Variants in NKAIN2 observed in about 807,000 individuals in gnomAD.
NKAIN2 encodes the protein sodium/potassium-transporting ATPase subunit beta-1-interacting protein 2.
In NKAIN2, 14 loss-of-function variants were observed where a neutral mutation model predicts 32.6. The ratio of observed to expected loss-of-function variants is 0.43; its 90% CI spans 0.28 to 0.67. The LOEUF is 0.67. Ranked by LOEUF, NKAIN2 falls within the 30% of genes least tolerant of loss-of-function variation. The pLI, the probability that NKAIN2 is intolerant of heterozygous loss-of-function variation, is 0.17. For missense variants in NKAIN2, 198 were observed against 258.3 expected, an observed-to-expected ratio of 0.77 and a Z score of 1.60; for synonymous variants, 80 against 87.2, an observed-to-expected ratio of 0.92 and a Z score of 0.46.
chr6:123,919,778 G>A (rs544407995), intron 1 of NKAIN2, among the ~76,000 whole-genome samples: 111 of 152,120 alleles, frequency 7.3e-4, no homozygotes, highest in African/African-American at 2.6e-3. Flanking sequence ...TTCATAACAG[G>A]ATGCTGTACC....
intron 1 of NKAIN2, among the ~76,000 whole-genome samples, chr6:123,813,610 G>A (rs911981180): frequency 1.3e-4 from 20 of 152,120 alleles, no homozygotes; most frequent in Admixed American, 6.5e-4. Flanking sequence ...TCAGGAGTTC[G>A]AGACCAGACT....
chr6:124,387,982 A>T (rs2114401699), intron 3 of NKAIN2, among the ~76,000 whole-genome samples: 1 of 152,196 alleles, frequency 6.6e-6, no homozygotes, highest in Non-Finnish European at 1.5e-5. Context: ...TTTGGTTGTT[A>T]TAAGGAGAAG....
At chr6:124,197,836 G>GTTTTTTTTTTTTTTTTT (rs1562416734) in intron 1 of NKAIN2, among the ~76,000 whole-genome samples, 1 of 82,566 alleles carries the variant, frequency 1.2e-5, no homozygotes, top group African/African-American at 4.1e-5. Flanking sequence ...ACCTGTGTCT[G>GTTTTTTTTTTTTTTTTT]GTTTTTTTTT....
chr6:124,622,671 C>T (rs1783151806), intron 3 of NKAIN2, among the ~76,000 whole-genome samples: 1 of 152,092 alleles, frequency 6.6e-6, no homozygotes, highest in Admixed American at 6.5e-5. Flanking sequence ...AGAGGTGGCT[C>T]TCAGCAGGGT....
At chr6:124,336,074 T>C (rs1168104823) in intron 2 of NKAIN2, among the ~76,000 whole-genome samples, 3 of 152,174 alleles carry the variant, frequency 2.0e-5, no homozygotes, top group Non-Finnish European at 4.4e-5. Flanking sequence ...AAAATACCAA[T>C]AATTCACTTT....
At chr6:124,154,333 A>G (rs1028004899) in intron 1 of NKAIN2, among the ~76,000 whole-genome samples, 11 of 151,856 alleles carry the variant, frequency 7.2e-5, no homozygotes, top group Non-Finnish European at 1.2e-4. Context: ...TCTGTCACTC[A>G]GTTCTGTTCA....
At chr6:123,835,353 A>G in intron 1 of NKAIN2, among the ~76,000 whole-genome samples, 1 of 152,218 alleles carries the variant, frequency 6.6e-6, no homozygotes, top group South Asian at 2.1e-4. Flanking sequence ...GTACGTGGCT[A>G]TCAAAGTATT....
chr6:124,639,809 C>A (rs542901216), intron 3 of NKAIN2, among the ~76,000 whole-genome samples: 4 of 151,960 alleles, frequency 2.6e-5, no homozygotes, highest in Non-Finnish European at 5.9e-5. Flanking sequence ...AGTAGAGTTG[C>A]AATTATTAGA....
intron 1 of NKAIN2, among the ~76,000 whole-genome samples, chr6:123,846,981 T>C (rs1775121950): frequency 6.6e-6 from 1 of 152,236 alleles, no homozygotes; most frequent in Admixed American, 6.5e-5. Context: ...TCCAGTACTA[T>C]GTAAGATGGC....
chr6:124,482,010 A>T (rs1322498153), intron 3 of NKAIN2, among the ~76,000 whole-genome samples: 1 of 152,218 alleles, frequency 6.6e-6, no homozygotes, highest in Non-Finnish European at 1.5e-5. Flanking sequence ...TAGAAAGATG[A>T]TAATAAAACT....
At chr6:124,139,219 G>T (rs1009249698) in intron 1 of NKAIN2, among the ~76,000 whole-genome samples, 5 of 147,672 alleles carry the variant, frequency 3.4e-5, no homozygotes, top group African/African-American at 1.3e-4. Flanking sequence ...CTCCCCAGTA[G>T]CTGGGACTAC....
At chr6:124,153,030 T>C (rs1787807627) in intron 1 of NKAIN2, among the ~76,000 whole-genome samples, 1 of 151,834 alleles carries the variant, frequency 6.6e-6, no homozygotes, top group Non-Finnish European at 1.5e-5. Context: ...GGGAGAAGTT[T>C]GTTAATGCAT....
intron 4 of NKAIN2, among the ~76,000 whole-genome samples, chr6:124,680,812 C>T (rs968902880): frequency 2.6e-5 from 4 of 151,798 alleles, no homozygotes; most frequent in Middle Eastern, 3.4e-3. Context: ...TTAAAGTGAC[C>T]GTCCTTTCCC....
intron 4 of NKAIN2, among the ~76,000 whole-genome samples, chr6:124,782,309 G>C (rs796205201): frequency 2.1e-4 from 32 of 151,862 alleles, no homozygotes; most frequent in African/African-American, 7.0e-4. Flanking sequence ...TTGATCACTG[G>C]ATATGTGCTG....
chr6:124,734,419 C>T (rs1459562727), intron 4 of NKAIN2, among the ~76,000 whole-genome samples: 1 of 151,620 alleles, frequency 6.6e-6, no homozygotes, highest in East Asian at 1.9e-4. Flanking sequence ...AAGTGTAGTT[C>T]TCACCATGTT....
At chr6:124,354,175 A>G (rs767197202) in intron 2 of NKAIN2, among the ~76,000 whole-genome samples, 13 of 152,128 alleles carry the variant, frequency 8.5e-5, no homozygotes, top group Non-Finnish European at 1.3e-4. Context: ...TCTTTTTCCC[A>G]GGACAGGTTA....
At chr6:123,951,643 AT>A in intron 1 of NKAIN2, among the ~76,000 whole-genome samples, 1 of 151,344 alleles carries the variant, frequency 6.6e-6, no homozygotes, top group South Asian at 2.1e-4. Context: ...TTCAGTCTAT[AT>A]TTTTTTTAAC....
At chr6:124,690,190 T>A (rs1583653461) in intron 4 of NKAIN2, among the ~76,000 whole-genome samples, 2 of 152,264 alleles carry the variant, frequency 1.3e-5, no homozygotes, top group Non-Finnish European at 2.9e-5. Flanking sequence ...TTCCTATGTA[T>A]TTCATTTTTG....
At chr6:124,099,704 T>G (rs989167579) in intron 1 of NKAIN2, among the ~76,000 whole-genome samples, 1 of 152,144 alleles carries the variant, frequency 6.6e-6, no homozygotes, top group Non-Finnish European at 1.5e-5. Context: ...TTACAATGTA[T>G]GTAGCGGTGG....
Sources: allele counts gnomAD v4.1 joint callset (sites outside exome capture counted in the v4.1 genomes callset), GRCh38; gene constraint gnomAD v4.1.1; transcripts MANE v1.5; gene names NCBI Gene and HGNC (gene_info 2026-07-23, HGNC 2026-07-21).